The following GKAP1 variants were observed in gnomAD, a reference collection of about 807,000 sequenced individuals.
GKAP1 encodes the protein G kinase anchoring protein 1.
Under a neutral mutation model 56.7 loss-of-function variants are expected in GKAP1, and 31 were observed. The observed-to-expected ratio is 0.55, with a 90% CI of 0.41 to 0.74. The LOEUF (loss-of-function observed/expected upper bound fraction) is 0.74. GKAP1 is among the 30% of genes least tolerant of loss of function. The probability of loss-of-function intolerance (pLI) is 0.00; values close to 1 mark genes in which losing one functional copy is unlikely to be tolerated. For synonymous variants in GKAP1, 151 were observed against 138.6 expected (o/e 1.09, Z -0.63); for missense variants, 364 against 402.3 (o/e 0.90, Z 0.82).
intron 8 of GKAP1, among the ~76,000 whole-genome samples, chr9:83,759,225 T>C (rs955361238): frequency 1.3e-5 from 2 of 152,176 alleles, no homozygotes; most frequent in Non-Finnish European, 2.9e-5. Flanking sequence ...TACATGTATA[T>C]GAAGCCCTAA....
intron 8 of GKAP1, among the ~76,000 whole-genome samples, chr9:83,760,133 G>A (rs1943544582): frequency 6.6e-6 from 1 of 152,036 alleles, no homozygotes; most frequent in Non-Finnish European, 1.5e-5. Flanking sequence ...CCAATGATCT[G>A]TTGCCTACAA....
rs111621353 is a variant in GKAP1 at position 83,793,383 on chromosome 9, C to T, written c.361-4705G>A. On this transcript the variant is annotated intron_variant, in intron 4 of 12. Transcript: ENST00000376371. ...TTCAAAGTGTAGACTACATATCTTT[C>T]AGTAATTTGGAAGGCAAGATTATTT... Among the ~76,000 whole-genome samples the T allele has an allele frequency of 7.2e-5, 11 of 152,300 alleles. 1 individual carries two copies. Among genetic ancestry groups the T allele is most frequent in the African/African-American group, 2.4e-4 (10 of 41,572 alleles).
At chr9:83,771,353 G>A (rs1943757538) in intron 7 of GKAP1, among the ~76,000 whole-genome samples, 1 of 152,138 alleles carries the variant, frequency 6.6e-6, no homozygotes, top group Non-Finnish European at 1.5e-5. Context: ...AAAGTGCTAG[G>A]ATTATAGGTG....
intron 12 of GKAP1, among the ~76,000 whole-genome samples, chr9:83,741,352 T>G: frequency 1.1e-5 from 1 of 87,330 alleles, no homozygotes; most frequent in South Asian, 4.2e-4. Context: ...CACACATAAA[T>G]ATATCTCTCA....
chr9:83,808,347 G>C (rs1365069349), intron 2 of GKAP1, among the ~76,000 whole-genome samples: 1 of 152,148 alleles, frequency 6.6e-6, no homozygotes, highest in Non-Finnish European at 1.5e-5. Context: ...TGTAATCCCA[G>C]TACTTTGGGA....
chr9:83,791,960 T>C (rs915850427), intron 4 of GKAP1, among the ~76,000 whole-genome samples: 13 of 152,200 alleles, frequency 8.5e-5, no homozygotes, highest in Non-Finnish European at 1.8e-4. Flanking sequence ...AGATATACTA[T>C]GGGATACTAA....
intron 8 of GKAP1, among the ~76,000 whole-genome samples, chr9:83,764,430 T>A (rs906607007): frequency 6.6e-6 from 1 of 152,218 alleles, no homozygotes; most frequent in African/African-American, 2.4e-5. Flanking sequence ...TGCACAACTG[T>A]GAGTCAAACC....
At chr9:83,807,988 A>T (rs989135243) in intron 2 of GKAP1, among the ~76,000 whole-genome samples, 3 of 152,234 alleles carry the variant, frequency 2.0e-5, no homozygotes, top group Non-Finnish European at 4.4e-5. Context: ...TTGGTATACA[A>T]TGAAGAAAAA....
intron 6 of GKAP1, among the ~76,000 whole-genome samples, chr9:83,782,723 G>A (rs1460001342): frequency 2.1e-5 from 3 of 140,924 alleles, no homozygotes; most frequent in Admixed American, 7.3e-5. Context: ...CTGGAGTCCA[G>A]TGGCACAACC....
intron 4 of GKAP1, among the ~76,000 whole-genome samples, chr9:83,798,455 G>T (rs375421678): frequency 1.6e-4 from 25 of 152,288 alleles, no homozygotes; most frequent in African/African-American, 5.3e-4. Flanking sequence ...ACAGGTTAAA[G>T]AAACAAACAA....
At chr9:83,752,403 G>A (rs139588117) in intron 9 of GKAP1, among the ~76,000 whole-genome samples, 1,524 of 152,242 alleles carry the variant, frequency 0.01, 24 homozygotes, top group African/African-American at 0.035. Flanking sequence ...GCAGCAGAGC[G>A]AGACTCTGTC....
intron 6 of GKAP1, among the ~76,000 whole-genome samples, chr9:83,781,997 C>T (rs1313475560): frequency 6.6e-6 from 1 of 151,854 alleles, no homozygotes; most frequent in Non-Finnish European, 1.5e-5. Context: ...GCGCGTGCCA[C>T]CATGCCCAGC....
chr9:83,759,406 G>A lies in GKAP1; in HGVS notation c.739-6047C>T, dbSNP rs145785498. 5.0e-4 allele frequency among the ~76,000 whole-genome samples: 76 copies of A among 152,042 alleles called. 1 individual carries two copies. In the East Asian group the frequency reaches 0.015, roughly 29 times the overall value. ...CTTCTGAGTAGCTGAGACTACAGAT[G>A]CATGCCAACTCACCTGGATAATTTT... On this transcript the variant is annotated intron_variant, in intron 8 of 12. Coordinates refer to ENST00000376371, the MANE Select transcript of GKAP1 (RefSeq NM_025211.4).
intron 8 of GKAP1, among the ~76,000 whole-genome samples, chr9:83,759,302 C>T (rs1943530502): frequency 6.6e-6 from 1 of 151,684 alleles, no homozygotes; most frequent in African/African-American, 2.4e-5. Context: ...GCTTCAATGC[C>T]CAGGCTGGAA....
chr9:83,798,902 G>A (rs915474687), intron 4 of GKAP1, among the ~76,000 whole-genome samples: 2 of 152,088 alleles, frequency 1.3e-5, no homozygotes, highest in African/African-American at 2.4e-5. Flanking sequence ...ATTTAATACT[G>A]TTCCCCTACC....
chr9:83,785,503 C>T (rs1356826905), intron 5 of GKAP1, among the ~76,000 whole-genome samples: 1 of 152,174 alleles, frequency 6.6e-6, no homozygotes, highest in Non-Finnish European at 1.5e-5. Context: ...CACTACCCTG[C>T]CTTCCCCACT....
chr9:83,784,198 C>A (rs116058677), intron 6 of GKAP1, among the ~76,000 whole-genome samples: 2 of 151,164 alleles, frequency 1.3e-5, no homozygotes, highest in Non-Finnish European at 2.9e-5. Context: ...GTCGTGGAGG[C>A]GGAGGTTACA....
At position 83,739,720 on chromosome 9, in the gene GKAP1, A is replaced by C; in HGVS notation, c.1078T>G (p.Ser360Ala). The C allele has an allele frequency of 6.2e-7, 1 of 1,609,534 alleles. No individual in the cohort carries two copies. Residue 360 changes from serine (S) to alanine (A), a missense_variant, in exon 13 of 13, where the codon TCT (serine) becomes GCT (alanine). Coordinates refer to ENST00000376371, the MANE Select transcript of GKAP1 (RefSeq NM_025211.4). ...AATCACCTACACTGGTCGGATTCAG[A>C]GTTTCTTTTCCCTTTTCTGCCACCC... ...YQGGRKGKRNSESDQCR is the reference protein window; with the variant it reads ...YQGGRKGKRNAESDQCR
chr9:83,739,884 T>C (rs1259926332), intron 12 of GKAP1, 140 bp from the exon 13 acceptor site: 5 of 612,828 alleles, frequency 8.2e-6, no homozygotes, highest in Non-Finnish European at 1.4e-5. Flanking sequence ...TAAATTTGAG[T>C]CTACATACTG....
Sources: allele counts gnomAD v4.1 joint callset (sites outside exome capture counted in the v4.1 genomes callset), GRCh38; gene constraint gnomAD v4.1.1; transcripts MANE v1.5; gene names NCBI Gene and HGNC (gene_info 2026-07-23, HGNC 2026-07-21).